RBFOX1: variants seen among roughly 807,000 people sequenced by gnomAD.
The protein encoded by RBFOX1 is RNA binding fox-1 homolog 1, also known as RNA binding protein fox-1 homolog 1.
Under a neutral mutation model 57.7 loss-of-function variants are expected in RBFOX1, and 8 were observed. The observed-to-expected ratio is 0.14, with a 90% CI of 0.08 to 0.25. The LOEUF (loss-of-function observed/expected upper bound fraction) is 0.25. Ranked by LOEUF, RBFOX1 falls within the 10% of genes least tolerant of loss-of-function variation. The pLI, the probability that RBFOX1 is intolerant of heterozygous loss-of-function variation, is 1.00. For synonymous variants in RBFOX1, 326 were observed against 222.4 expected (o/e 1.47, Z -4.15); for missense variants, 611 against 548.5 (o/e 1.11, Z -1.14).
At chr16:6,295,237 C>T (rs1424193448) in intron 1 of RBFOX1, among the ~76,000 whole-genome samples, 1 of 151,934 alleles carries the variant, frequency 6.6e-6, no homozygotes, top group Non-Finnish European at 1.5e-5. Flanking sequence ...GATTGTCGTG[C>T]CTCAGCCTCC....
rs566094324 is a variant in RBFOX1, at chr16:6,636,512, CAA to C, written c.-63-18090_-63-18089del. On this transcript the variant is annotated intron_variant, in intron 2 of 15. Coordinates refer to ENST00000550418, the MANE Select transcript of RBFOX1 (RefSeq NM_018723.4). ...ATTGGGAGTGCTCAACCTTTAATAA[CAA>C]TATTAAAAAATTATTAAACCTCTAA... Among the ~76,000 whole-genome samples the C allele has an allele frequency of 3.3e-3, 504 of 151,864 alleles. 7 individuals carry two copies. Among genetic ancestry groups the C allele is most frequent in the African/African-American group, 0.011 (470 of 41,416 alleles).
intron 1 of RBFOX1, among the ~76,000 whole-genome samples, chr16:6,169,082 G>A (rs912375097): frequency 2.0e-5 from 3 of 152,092 alleles, no homozygotes; most frequent in South Asian, 2.1e-4. Context: ...AGCCACATTC[G>A]GATTTGTAGA....
At chr16:7,204,169 G>C (rs554635607) in intron 4 of RBFOX1, among the ~76,000 whole-genome samples, 12 of 152,208 alleles carry the variant, frequency 7.9e-5, no homozygotes, top group Non-Finnish European at 1.6e-4. Context: ...TACTTTCTCA[G>C]AGTAACCATT....
chr16:5,272,398 C>T (rs147015844), intron 1 of RBFOX1, among the ~76,000 whole-genome samples: 10 of 152,242 alleles, frequency 6.6e-5, no homozygotes, highest in Non-Finnish European at 1.2e-4. Context: ...CCCCATTTGG[C>T]ATTGATGGAA....
chr16:6,510,080 T>C (rs2096219495), intron 2 of RBFOX1, among the ~76,000 whole-genome samples: 2 of 152,206 alleles, frequency 1.3e-5, no homozygotes, highest in South Asian at 2.1e-4. Flanking sequence ...GGGATGCTTA[T>C]AGTTACTGAA....
chr16:5,811,601 C>G (rs1308116259), intron 3 of RBFOX1, among the ~76,000 whole-genome samples: 1 of 152,044 alleles, frequency 6.6e-6, no homozygotes, highest in South Asian at 2.1e-4. Flanking sequence ...CAGGCATGCA[C>G]CACCACATTG....
At chr16:6,699,287 C>T (rs1024572480) in intron 3 of RBFOX1, among the ~76,000 whole-genome samples, 3 of 150,508 alleles carry the variant, frequency 2.0e-5, no homozygotes, top group African/African-American at 7.4e-5. Context: ...CATAGTTATC[C>T]TCCCTATGTT....
At chr16:6,394,104 C>G (rs1445058834) in intron 2 of RBFOX1, among the ~76,000 whole-genome samples, 2 of 152,224 alleles carry the variant, frequency 1.3e-5, no homozygotes, top group African/African-American at 4.8e-5. Flanking sequence ...CTGCTTCAAA[C>G]AGGGCACTAG....
At chr16:6,613,991 G>A (rs753387951) in intron 2 of RBFOX1, among the ~76,000 whole-genome samples, 16 of 152,136 alleles carry the variant, frequency 1.1e-4, no homozygotes, top group Non-Finnish European at 1.9e-4. Flanking sequence ...TAATTTGGAA[G>A]CTTTATACAG....
At chr16:7,693,499 T>G (rs953724396) in intron 14 of RBFOX1, 1 of 701,864 alleles carries the variant, frequency 1.4e-6, no homozygotes, top group Non-Finnish European at 2.3e-6. Flanking sequence ...AAAGATCTTA[T>G]ATCTTTGGAG....
At chr16:7,162,118 A>G (rs1321114050) in intron 4 of RBFOX1, among the ~76,000 whole-genome samples, 2 of 152,176 alleles carry the variant, frequency 1.3e-5, no homozygotes, top group Non-Finnish European at 2.9e-5. Flanking sequence ...AACCCCTCTA[A>G]GCTCCAAGAG....
At chr16:7,169,922 A>T (rs903016284) in intron 4 of RBFOX1, among the ~76,000 whole-genome samples, 1 of 152,016 alleles carries the variant, frequency 6.6e-6, no homozygotes, top group East Asian at 1.9e-4. Flanking sequence ...AAAATAAAAA[A>T]AATAGCTGGG....
At chr16:7,488,167 G>A (rs976254163) in intron 4 of RBFOX1, among the ~76,000 whole-genome samples, 1 of 152,132 alleles carries the variant, frequency 6.6e-6, no homozygotes, top group African/African-American at 2.4e-5. Flanking sequence ...TGATGAGCTG[G>A]TCCTGCTCAC....
At chr16:5,415,681 T>G (rs1156248446) in intron 1 of RBFOX1, among the ~76,000 whole-genome samples, 2 of 152,248 alleles carry the variant, frequency 1.3e-5, no homozygotes, top group African/African-American at 2.4e-5. Flanking sequence ...GGTTTTCTAT[T>G]CACAGTAGTG....
chr16:7,088,040 G>A (rs74008723), intron 4 of RBFOX1, among the ~76,000 whole-genome samples: 6,308 of 152,252 alleles, frequency 0.041, 155 homozygotes, highest in African/African-American at 0.064. Flanking sequence ...ACATGTGCTC[G>A]CATTTCCAGT....
intron 14 of RBFOX1, among the ~76,000 whole-genome samples, chr16:7,702,626 C>T (rs971764535): frequency 6.6e-6 from 1 of 152,182 alleles, no homozygotes; most frequent in Non-Finnish European, 1.5e-5. Flanking sequence ...CATGCGCCCT[C>T]CCCTTCTGGT....
At chr16:7,038,171 T>G (rs1411197702) in intron 3 of RBFOX1, among the ~76,000 whole-genome samples, 8 of 150,362 alleles carry the variant, frequency 5.3e-5, no homozygotes, top group African/African-American at 1.5e-4. Context: ...ACACAGAGTT[T>G]CCTGGCTATA....
Position 5,609,645 on chromosome 16 carries a change from T to C in RBFOX1, c.318+10684T>C, listed in dbSNP as rs937086156. On this transcript the variant is annotated intron_variant, in intron 3 of 19. Transcript: ENST00000641259. The stretch of plus-strand genomic sequence containing the variant: ...CCTGTGACCTGCATCCAAACCCTCA[T>C]GTACAAGGCAGCCCCCAGTGTCCTG... Among the ~76,000 whole-genome samples, 249 of 152,312 alleles carry C rather than the reference T, an allele frequency of 1.6e-3. 4 individuals carry two copies. Among genetic ancestry groups the C allele is most frequent in the Non-Finnish European group, 1.0e-4 (7 of 68,030 alleles).
chr16:7,048,584 T>C (rs1422252340), intron 3 of RBFOX1, among the ~76,000 whole-genome samples: 1 of 152,164 alleles, frequency 6.6e-6, no homozygotes, highest in Non-Finnish European at 1.5e-5. Context: ...TTATCTTTTG[T>C]TTCTTTGCTA....
Sources: allele counts gnomAD v4.1 joint callset (sites outside exome capture counted in the v4.1 genomes callset), GRCh38; gene constraint gnomAD v4.1.1; transcripts MANE v1.5; gene names NCBI Gene and HGNC (gene_info 2026-07-23, HGNC 2026-07-21).